The following RCOR1 variants were observed in gnomAD, a reference collection of about 807,000 sequenced individuals.
The protein encoded by RCOR1 is REST corepressor.
A neutral mutation model predicts 64.0 loss-of-function variants in RCOR1; 12 were observed. The observed-to-expected ratio is 0.19, with a 90% CI of 0.12 to 0.30. The LOEUF is 0.30. Ranked by LOEUF, RCOR1 falls within the 10% of genes least tolerant of loss-of-function variation. RCOR1 has a pLI of 1.00. For missense variants in RCOR1, 502 were observed against 621.2 expected, an observed-to-expected ratio of 0.81 and a Z score of 2.04; for synonymous variants, 279 against 227.2, an observed-to-expected ratio of 1.23 and a Z score of -2.05.
chr14:102,702,857 G>GA (rs894953473), intron 4 of RCOR1, among the ~76,000 whole-genome samples: 4 of 152,202 alleles, frequency 2.6e-5, no homozygotes, highest in African/African-American at 9.6e-5. Flanking sequence ...CCATTCAGTA[G>GA]AAAAAAATTA....
intron 2 of RCOR1, among the ~76,000 whole-genome samples, chr14:102,667,157 A>G (rs753251177): frequency 7.9e-5 from 12 of 152,056 alleles, no homozygotes; most frequent in Non-Finnish European, 1.5e-4. Context: ...CTATGGTCAT[A>G]TCACTGCACT....
In RCOR1 at chr14:102,601,276, G is replaced by GCCTCCT. The variant is rs143296299; in HGVS notation, c.361+7951_361+7952insCCTCCT. On this transcript the variant is annotated intron_variant, in intron 2 of 11. Coordinates refer to ENST00000262241, the MANE Select transcript of RCOR1 (RefSeq NM_015156.4). ...GATTGACCCGCCTTGGCCTCCCAAAGTGCTGGGATTACAGGCTTGAGCCAC... is the reference window on the plus strand; with the variant it reads ...GATTGACCCGCCTTGGCCTCCCAAAGCCTCCTTGCTGGGATTACAGGCTTGAGCCAC... 1.9e-3 allele frequency among the ~76,000 whole-genome samples: 291 copies of GCCTCCT among 152,178 alleles called. 8 individuals carry two copies. In the East Asian group the frequency reaches 0.05, roughly 26 times the overall value.
At chr14:102,683,078 T>A (rs1895337982) in intron 3 of RCOR1, among the ~76,000 whole-genome samples, 1 of 152,254 alleles carries the variant, frequency 6.6e-6, no homozygotes, top group South Asian at 2.1e-4. Context: ...TATCTTATTT[T>A]TCATAGACCT....
At chr14:102,632,611 ATCCTTTCCTTTCCTT>A (rs201997281) in intron 2 of RCOR1, among the ~76,000 whole-genome samples, 1,801 of 108,012 alleles carry the variant, frequency 0.017, 89 homozygotes, top group African/African-American at 0.045. Flanking sequence ...ACTGCATGCT[ATCCTTTCCTTTCCTT>A]TCCTTTCCTT....
intron 2 of RCOR1, among the ~76,000 whole-genome samples, chr14:102,638,162 A>G (rs943877043): frequency 6.6e-6 from 1 of 152,216 alleles, no homozygotes; most frequent in Non-Finnish European, 1.5e-5. Flanking sequence ...TGGGGATAGC[A>G]CACATAAAAT....
chr14:102,595,012 A>G (rs1470783790), intron 2 of RCOR1, among the ~76,000 whole-genome samples: 1 of 152,222 alleles, frequency 6.6e-6, no homozygotes, highest in Non-Finnish European at 1.5e-5. Context: ...AAAAGGGCAT[A>G]TTTGTCAACA....
chr14:102,726,110 C>T (rs1209711142), intron 11 of RCOR1, among the ~76,000 whole-genome samples: 2 of 151,828 alleles, frequency 1.3e-5, no homozygotes, highest in East Asian at 2.0e-4. Context: ...AGGCAGATCA[C>T]GAGGTCAGGA....
chr14:102,696,669 T>A (rs1025430238), intron 3 of RCOR1, among the ~76,000 whole-genome samples: 2 of 152,182 alleles, frequency 1.3e-5, no homozygotes, highest in Non-Finnish European at 1.5e-5. Flanking sequence ...GAATTAAGAT[T>A]GTTGTTGCCA....
At chr14:102,656,233 G>A (rs1181785688) in intron 2 of RCOR1, 3 of 391,858 alleles carry the variant, frequency 7.7e-6, no homozygotes, top group African/African-American at 2.2e-5. Flanking sequence ...TCCACCTCCC[G>A]GGTTCAAGCG....
intron 2 of RCOR1, among the ~76,000 whole-genome samples, chr14:102,601,453 G>C (rs910852906): frequency 6.6e-6 from 1 of 152,226 alleles, no homozygotes; most frequent in Non-Finnish European, 1.5e-5. Flanking sequence ...TGACAAGACA[G>C]AATTAGATGT....
At chr14:102,725,921 T>G (rs925777988) in intron 11 of RCOR1, among the ~76,000 whole-genome samples, 3 of 152,214 alleles carry the variant, frequency 2.0e-5, no homozygotes, top group Non-Finnish European at 4.4e-5. Context: ...TATCACTATG[T>G]GTCTTCTGCA....
intron 3 of RCOR1, among the ~76,000 whole-genome samples, chr14:102,696,836 G>T: frequency 7.7e-6 from 1 of 130,116 alleles, no homozygotes. Flanking sequence ...TTTTTTATAA[G>T]GGTAGCTGGG....
chr14:102,702,966 G>C (rs1297870313), intron 4 of RCOR1, among the ~76,000 whole-genome samples: 1 of 152,114 alleles, frequency 6.6e-6, no homozygotes, highest in Non-Finnish European at 1.5e-5. Flanking sequence ...AGAACTAATG[G>C]AAGATACAGA....
intron 2 of RCOR1, among the ~76,000 whole-genome samples, chr14:102,609,634 CAG>C (rs1283178073): frequency 6.6e-6 from 1 of 150,474 alleles, no homozygotes; most frequent in African/African-American, 2.4e-5. Context: ...TTAGTAGAGA[CAG>C]GGTTTCACCG....
At chr14:102,714,286 A>G (rs1358332457) in intron 7 of RCOR1, 137 bp from the exon 8 acceptor site, 1 of 521,126 alleles carries the variant, frequency 1.9e-6, no homozygotes, top group African/African-American at 1.9e-5. Flanking sequence ...GTTAGAATTT[A>G]TAGATCTCAT....
chr14:102,713,339 A>G (rs1895999801), intron 7 of RCOR1, among the ~76,000 whole-genome samples: 1 of 149,630 alleles, frequency 6.7e-6, no homozygotes, highest in African/African-American at 2.5e-5. Flanking sequence ...GCTCACTGCA[A>G]GCTGCGCCTC....
chr14:102,712,705 T>G (rs556711188), intron 7 of RCOR1, among the ~76,000 whole-genome samples: 3 of 151,390 alleles, frequency 2.0e-5, no homozygotes, highest in Non-Finnish European at 4.4e-5. Context: ...AATTGGAAAT[T>G]GGTCGTTTTT....
intron 2 of RCOR1, among the ~76,000 whole-genome samples, chr14:102,618,152 T>A (rs902060401): frequency 1.3e-5 from 2 of 151,778 alleles, no homozygotes; most frequent in Non-Finnish European, 2.9e-5. Flanking sequence ...TTTTGTATTT[T>A]TAGTAGAGAT....
chr14:102,658,672 A>G (rs1894773515), intron 2 of RCOR1: 4 of 945,182 alleles, frequency 4.2e-6, no homozygotes, highest in Non-Finnish European at 5.0e-6. Flanking sequence ...GTCAATACCC[A>G]GAAACCAACA....
Sources: allele counts gnomAD v4.1 joint callset (sites outside exome capture counted in the v4.1 genomes callset), GRCh38; gene constraint gnomAD v4.1.1; transcripts MANE v1.5; gene names NCBI Gene and HGNC (gene_info 2026-07-23, HGNC 2026-07-21).